JAK1: variants seen among roughly 807,000 people sequenced by gnomAD.
JAK1 encodes the protein tyrosine-protein kinase JAK1.
JAK1 carries 16 observed loss-of-function variants against 136.6 expected under a neutral mutation model. The observed-to-expected ratio is 0.12, with a 90% CI of 0.08 to 0.18. JAK1 has a LOEUF of 0.18. JAK1 is among the 10% of genes least tolerant of loss of function. The probability of loss-of-function intolerance (pLI) is 1.00; values close to 1 mark genes in which losing one functional copy is unlikely to be tolerated. For synonymous variants in JAK1, 492 were observed against 519.5 expected (o/e 0.95, Z 0.72); for missense variants, 859 against 1,450.1 (o/e 0.59, Z 6.62).
intron 17 of JAK1, among the ~76,000 whole-genome samples, chr1:64,842,979 C>A (rs1655003219): frequency 6.6e-6 from 1 of 152,136 alleles, no homozygotes; most frequent in East Asian, 1.9e-4. Context: ...AGACTCGGGG[C>A]CCCTGTCTCC....
chr1:64,984,996 A>G lies in JAK1; in HGVS notation c.-78+59484T>C, dbSNP rs1274758086. The G allele has an allele frequency of 2.1e-5, 18 of 873,764 alleles. No individual in the cohort carries two copies. The highest frequency in any genetic ancestry group is 2.6e-5 in the South Asian group (2 of 76,376). The allele number at this position is 873,764 out of a possible 1,614,324, so 54.1% of individuals were successfully genotyped here. A position where few individuals can be genotyped will look rare whatever the true frequency, so the allele number is the denominator to read the frequency against. On this transcript the variant is annotated intron_variant, in intron 2 of 25. Transcript: ENST00000671954. This position sits in a 1 kb window ranked among gnomAD's most constrained non-coding sequence, Gnocchi z 4.1. ...GACCACAAAGACCAAGATAGCCCCA[A>G]TACAGACAAAGCTTATCCCATTACA...
At chr1:64,895,192 T>C (rs949373672) in intron 1 of JAK1, among the ~76,000 whole-genome samples, 4 of 152,236 alleles carry the variant, frequency 2.6e-5, no homozygotes, top group Non-Finnish European at 4.4e-5. Flanking sequence ...CAGTCTTTTT[T>C]GACCATGATC....
chr1:64,849,221 C>T (rs1349480316), intron 12 of JAK1, among the ~76,000 whole-genome samples: 3 of 152,114 alleles, frequency 2.0e-5, no homozygotes, highest in East Asian at 1.9e-4. Flanking sequence ...GACAGGGTCT[C>T]GCTCTAACAC....
chr1:64,876,154 G>C (rs919759466), intron 4 of JAK1: 1 of 152,212 alleles, frequency 6.6e-6, no homozygotes, highest in Non-Finnish European at 1.5e-5. Context: ...GAGAGAGACA[G>C]GTCACCCTCC....
At chr1:64,884,077 A>G (rs1038426792) in intron 2 of JAK1, among the ~76,000 whole-genome samples, 3 of 152,188 alleles carry the variant, frequency 2.0e-5, no homozygotes, top group Non-Finnish European at 4.4e-5. Context: ...ATAACAATTA[A>G]TGAATGGAGC....
Position 65,062,488 on chromosome 1 carries a change from T to TA in JAK1, c.-181+5115dup, listed in dbSNP as rs1647836324. On this transcript the variant is annotated intron_variant, in intron 1 of 25. Coordinates refer to the JAK1 transcript ENST00000671954. Reference sequence around the variant, plus strand: ...TTTTCAAATTCCCTTAATGGACAGCTAAAGGAGCCAATACCAAAGACTTGC... The same window carrying TA: ...TTTTCAAATTCCCTTAATGGACAGCTAAAAGGAGCCAATACCAAAGACTTGC... 2.6e-5 allele frequency among the ~76,000 whole-genome samples: 4 copies of TA among 152,286 alleles called. No homozygotes were observed. The South Asian group carries it at 8.3e-4, about 32-fold the overall frequency.
At chr1:64,888,798 CAAG>C (rs1385846995) in intron 1 of JAK1, among the ~76,000 whole-genome samples, 1 of 152,144 alleles carries the variant, frequency 6.6e-6, no homozygotes, top group Non-Finnish European at 1.5e-5. Context: ...TTCGAGAAAA[CAAG>C]AACAGCAACA....
At chr1:64,929,292 G>A (rs1029974420) in intron 1 of JAK1, among the ~76,000 whole-genome samples, 1 of 152,234 alleles carries the variant, frequency 6.6e-6, no homozygotes, top group Non-Finnish European at 1.5e-5. Context: ...AAGAATGAAA[G>A]TATTTGTTAA....
chr1:65,035,999 T>A (rs956851111), intron 2 of JAK1, among the ~76,000 whole-genome samples: 3 of 151,660 alleles, frequency 2.0e-5, no homozygotes, highest in African/African-American at 7.3e-5. Flanking sequence ...ACCCGGGAGG[T>A]AGAAGTTGCA....
chr1:64,905,400 A>G (rs1042808196), intron 1 of JAK1, among the ~76,000 whole-genome samples: 2 of 152,240 alleles, frequency 1.3e-5, no homozygotes, highest in Non-Finnish European at 2.9e-5. Context: ...ATAAATGTAC[A>G]TAGCTCTACA....
At chr1:64,932,106 C>A (rs758093244) in intron 1 of JAK1, among the ~76,000 whole-genome samples, 6 of 151,176 alleles carry the variant, frequency 4.0e-5, no homozygotes, top group Non-Finnish European at 7.4e-5. Context: ...AGGTAGACAT[C>A]ATGGCACTTT....
rs146935189 is a variant in JAK1 at position 64,844,297 on chromosome 1, G to C, written c.2252-82C>G. ...TTACTGTCACTGCAGCCAGAACAGTGAGCCAATGAAGGAACTACTTCAAGC... is the reference window on the plus strand; with the variant it reads ...TTACTGTCACTGCAGCCAGAACAGTCAGCCAATGAAGGAACTACTTCAAGC... On this transcript the variant is annotated intron_variant, in intron 16 of 24. Coordinates refer to ENST00000342505, the MANE Select transcript of JAK1 (RefSeq NM_002227.4). This position sits in a 1 kb window ranked among gnomAD's most constrained non-coding sequence, Gnocchi z 5.7. 6.5e-7 allele frequency: 1 copy of C among 1,547,714 alleles called. No individual in the cohort carries two copies. The highest frequency in any genetic ancestry group is 1.4e-5 in the African/African-American group (1 of 73,706).
chr1:64,999,735 TAAAAAAA>T (rs77414910), intron 2 of JAK1, among the ~76,000 whole-genome samples: 2 of 130,272 alleles, frequency 1.5e-5, no homozygotes, highest in Non-Finnish European at 3.3e-5. Flanking sequence ...ACCCTCTCTT[TAAAAAAA>T]AAAAAAAAAA....
At chr1:65,025,928 C>T (rs967383779) in intron 2 of JAK1, among the ~76,000 whole-genome samples, 4 of 152,176 alleles carry the variant, frequency 2.6e-5, no homozygotes, top group South Asian at 4.1e-4. Context: ...ATCCTCCTGC[C>T]TTGACCTCCC....
chr1:64,866,461 G>A lies in JAK1; in HGVS notation c.990+405C>T, dbSNP rs142982747. 3.2e-3 allele frequency among the ~76,000 whole-genome samples: 492 copies of A among 152,286 alleles called. 2 individuals are homozygous for A. Among genetic ancestry groups the A allele is most frequent in the African/African-American group, 0.011 (470 of 41,556 alleles). The stretch of plus-strand genomic sequence containing the variant: ...AAATGCTTATTAGTTATGACCTTGG[G>A]CAAATTTCTTAACTTCTCTGTGCCT... On this transcript the variant is annotated intron_variant, in intron 7 of 24. Transcript: ENST00000342505.
intron 22 of JAK1, among the ~76,000 whole-genome samples, chr1:64,837,186 C>T (rs1184510455): frequency 2.0e-5 from 3 of 152,230 alleles, no homozygotes; most frequent in Non-Finnish European, 4.4e-5. Context: ...GCCTGTTAAA[C>T]TCTAAACTCG....
At chr1:64,973,066 G>T (rs1029459136) in intron 2 of JAK1, 1 of 151,888 alleles carries the variant, frequency 6.6e-6, no homozygotes, top group Admixed American at 6.6e-5. Context: ...GCCACAGTGA[G>T]CCATGATTGT....
upstream of JAK1, among the ~76,000 whole-genome samples, chr1:64,968,864 A>G (rs1331644913): frequency 1.3e-5 from 2 of 149,024 alleles, no homozygotes; most frequent in Non-Finnish European, 3.0e-5. Context: ...GCCGGGAGGC[A>G]GAGTTTGCAG....
chr1:64,838,813 G>A (rs1181502986), intron 20 of JAK1, among the ~76,000 whole-genome samples: 1 of 152,176 alleles, frequency 6.6e-6, no homozygotes, highest in Non-Finnish European at 1.5e-5. Flanking sequence ...TGAGATAACA[G>A]TCAGAGTGCT....
Sources: gnomAD v4.1 joint callset for allele counts (sites outside exome capture counted in the v4.1 genomes callset) on GRCh38, gnomAD v4.1.1 for gene constraint, Gnocchi (gnomAD v3.1) non-coding constraint, MANE v1.5 for transcripts, NCBI Gene and HGNC (gene_info 2026-07-23, HGNC 2026-07-21) for gene names.